CTNNA2: variants seen among roughly 807,000 people sequenced by gnomAD.
CTNNA2 encodes catenin alpha-2.
Under a neutral mutation model 101.0 loss-of-function variants are expected in CTNNA2, and 42 were observed. The ratio of observed to expected loss-of-function variants is 0.42; its 90% CI spans 0.32 to 0.54. The LOEUF (loss-of-function observed/expected upper bound fraction) is 0.54. CTNNA2 is among the 20% of genes least tolerant of loss of function. The pLI, the probability that CTNNA2 is intolerant of heterozygous loss-of-function variation, is 0.14. For missense variants in CTNNA2, 871 were observed against 1,223.1 expected, an observed-to-expected ratio of 0.71 and a Z score of 4.29; for synonymous variants, 450 against 456.4, an observed-to-expected ratio of 0.99 and a Z score of 0.18.
chr2:79,357,692 T>TA (rs1030622798), intron 3 of CTNNA2, among the ~76,000 whole-genome samples: 1 of 151,892 alleles, frequency 6.6e-6, no homozygotes, highest in Non-Finnish European at 1.5e-5. Context: ...GCAAAGCTGC[T>TA]AAAAAAACAA....
chr2:80,242,748 G>A (rs1373804387), intron 7 of CTNNA2, among the ~76,000 whole-genome samples: 2 of 152,044 alleles, frequency 1.3e-5, no homozygotes, highest in South Asian at 2.1e-4. Context: ...TAGGGCAGCT[G>A]AACAGCAGTC....
chr2:79,848,769 A>C (rs1006783858), intron 3 of CTNNA2, among the ~76,000 whole-genome samples: 1 of 152,224 alleles, frequency 6.6e-6, no homozygotes, highest in African/African-American at 2.4e-5. Flanking sequence ...TACCTTGGGA[A>C]AGAACACTGA....
rs577744008 is a variant in CTNNA2 at position 80,405,274 on chromosome 2, A to AT, written c.1137+11991dup. Among the ~76,000 whole-genome samples the AT allele has an allele frequency of 4.0e-3, 615 of 152,088 alleles. 5 individuals are homozygous for AT. Among genetic ancestry groups the AT allele is most frequent in the Admixed American group, 6.6e-3 (101 of 15,276 alleles). On this transcript the variant is annotated intron_variant, in intron 8 of 18. Coordinates refer to ENST00000402739, the MANE Select transcript of CTNNA2 (RefSeq NM_001282597.3). ...TCAGAGAGATATTACTATCAAAAAGATTTTTTTTCCGAGTAGAGTATTGAA... is the reference window on the plus strand; with the variant it reads ...TCAGAGAGATATTACTATCAAAAAGATTTTTTTTTCCGAGTAGAGTATTGAA...
chr2:80,425,699 A>G (rs1680928588), intron 9 of CTNNA2, among the ~76,000 whole-genome samples: 2 of 152,226 alleles, frequency 1.3e-5, no homozygotes, highest in Non-Finnish European at 1.5e-5. Flanking sequence ...TTTGCTATCT[A>G]TTTTATGGGT....
intron 12 of CTNNA2, among the ~76,000 whole-genome samples, chr2:80,571,836 A>C (rs1359881320): frequency 6.6e-6 from 1 of 152,198 alleles, no homozygotes. Context: ...GAGCCTGTAG[A>C]CAGAGCTCCC....
chr2:80,627,972 G>A (rs1250532241), intron 18 of CTNNA2, among the ~76,000 whole-genome samples: 1 of 150,400 alleles, frequency 6.6e-6, no homozygotes, highest in Non-Finnish European at 1.5e-5. Flanking sequence ...ACCAATAAGA[G>A]ACAAACAGAG....
intron 7 of CTNNA2, among the ~76,000 whole-genome samples, chr2:80,046,814 C>A (rs886487869): frequency 1.3e-5 from 2 of 152,174 alleles, no homozygotes; most frequent in Non-Finnish European, 2.9e-5. Flanking sequence ...GTTCTCATAA[C>A]CAACATGTAC....
intron 7 of CTNNA2, among the ~76,000 whole-genome samples, chr2:79,999,072 T>TA (rs57938469): frequency 0.045 from 6,424 of 144,300 alleles, 422 homozygotes; most frequent in African/African-American, 0.15. Context: ...AATTCCATAT[T>TA]AAAAAAAAAA....
chr2:80,245,794 C>CTTTTTTTTTT (rs34625586), intron 7 of CTNNA2, among the ~76,000 whole-genome samples: 3 of 58,954 alleles, frequency 5.1e-5, no homozygotes, highest in Non-Finnish European at 8.6e-5. Flanking sequence ...TATGATTTAA[C>CTTTTTTTTTT]TTTTTTTTTT....
intron 7 of CTNNA2, among the ~76,000 whole-genome samples, chr2:80,063,083 C>G (rs780383514): frequency 1.3e-5 from 2 of 152,202 alleles, no homozygotes; most frequent in Non-Finnish European, 2.9e-5. Flanking sequence ...AAGCTGCATT[C>G]TCTCTTGCCT....
intron 4 of CTNNA2, among the ~76,000 whole-genome samples, chr2:79,472,312 G>A (rs761528088): frequency 6.6e-5 from 10 of 152,224 alleles, no homozygotes; most frequent in Non-Finnish European, 1.3e-4. Context: ...TGCACGTGCA[G>A]CCCTGCCAGG....
At chr2:80,346,758 C>G (rs1053540461) in intron 7 of CTNNA2, among the ~76,000 whole-genome samples, 2 of 152,116 alleles carry the variant, frequency 1.3e-5, no homozygotes, top group Non-Finnish European at 2.9e-5. Flanking sequence ...CCTACAAGAT[C>G]ATGTTTGAAA....
At chr2:80,033,876 T>C (rs188629792) in intron 7 of CTNNA2, among the ~76,000 whole-genome samples, 1 of 151,322 alleles carries the variant, frequency 6.6e-6, no homozygotes, top group Non-Finnish European at 1.5e-5. Context: ...TCAGTAAAAA[T>C]TGTAGCAGTC....
At chr2:80,035,489 T>C (rs1174756534) in intron 7 of CTNNA2, among the ~76,000 whole-genome samples, 2 of 152,188 alleles carry the variant, frequency 1.3e-5, no homozygotes, top group Non-Finnish European at 2.9e-5. Context: ...TTATAAACTT[T>C]AGAAACTAAT....
intron 7 of CTNNA2, among the ~76,000 whole-genome samples, chr2:80,386,921 A>G (rs2149357538): frequency 6.6e-6 from 1 of 152,306 alleles, no homozygotes; most frequent in Non-Finnish European, 1.5e-5. Context: ...GATCCAATGG[A>G]AGCACCAAGA....
intron 18 of CTNNA2, among the ~76,000 whole-genome samples, chr2:80,629,151 A>C (rs113750323): frequency 6.6e-6 from 1 of 152,086 alleles, no homozygotes; most frequent in African/African-American, 2.4e-5. Flanking sequence ...ACAAAAGACT[A>C]TATAGTCTTT....
intron 2 of CTNNA2, among the ~76,000 whole-genome samples, chr2:79,207,349 C>T (rs1674112416): frequency 6.6e-6 from 1 of 152,184 alleles, no homozygotes; most frequent in South Asian, 2.1e-4. Flanking sequence ...ACCACCACCT[C>T]TTTAACCTAA....
At chr2:79,433,455 C>T (rs1235381661) in intron 4 of CTNNA2, among the ~76,000 whole-genome samples, 2 of 151,938 alleles carry the variant, frequency 1.3e-5, no homozygotes, top group African/African-American at 4.8e-5. Context: ...TTTCTTGATG[C>T]TTTGCTTGTT....
intron 3 of CTNNA2, among the ~76,000 whole-genome samples, chr2:79,330,159 C>T (rs1372075476): frequency 6.6e-6 from 1 of 152,088 alleles, no homozygotes; most frequent in Non-Finnish European, 1.5e-5. Context: ...TCAGTCCTAC[C>T]AGCTGTCCAC....
Sources: allele counts gnomAD v4.1 joint callset (sites outside exome capture counted in the v4.1 genomes callset), GRCh38; gene constraint gnomAD v4.1.1; transcripts MANE v1.5; gene names NCBI Gene and HGNC (gene_info 2026-07-23, HGNC 2026-07-21).